The following LRMDA variants were observed in gnomAD, a reference collection of about 807,000 sequenced individuals.
The protein encoded by LRMDA is leucine rich melanocyte differentiation associated.
Under a neutral mutation model 29.8 loss-of-function variants are expected in LRMDA, and 18 were observed. That is an observed-to-expected ratio of 0.60 (90% CI 0.42 to 0.90). LRMDA has a LOEUF of 0.90. Among genes scored for constraint, LRMDA ranks in the 40% least tolerant of loss-of-function variants. LRMDA has a pLI of 0.00. For missense variants in LRMDA, 273 were observed against 273.9 expected (o/e 1.00, Z 0.02); for synonymous variants, 125 against 109.4 (o/e 1.14, Z -0.89).
chr10:75,585,614 C>A (rs1221245345), intron 2 of LRMDA, among the ~76,000 whole-genome samples: 2 of 152,182 alleles, frequency 1.3e-5, no homozygotes, highest in African/African-American at 4.8e-5. Flanking sequence ...AGGGATGAAA[C>A]TTCTACTTAT....
At chr10:75,993,180 T>C (rs961987833) in intron 2 of LRMDA, among the ~76,000 whole-genome samples, 2 of 152,004 alleles carry the variant, frequency 1.3e-5, no homozygotes, top group African/African-American at 4.8e-5. Context: ...CTGGGTCACA[T>C]AGAAGGAAGC....
chr10:75,905,030 A>G (rs1192849910), intron 2 of LRMDA, among the ~76,000 whole-genome samples: 2 of 152,218 alleles, frequency 1.3e-5, no homozygotes, highest in African/African-American at 2.4e-5. Context: ...CTCTATCTGC[A>G]GCGTGCATCC....
At chr10:76,343,742 A>C (rs143095939) in intron 6 of LRMDA, among the ~76,000 whole-genome samples, 2 of 152,222 alleles carry the variant, frequency 1.3e-5, no homozygotes, top group East Asian at 1.9e-4. Flanking sequence ...TAACCAAAGC[A>C]ATTAGATATG....
chr10:75,870,611 C>CA (rs1312754562), intron 2 of LRMDA, among the ~76,000 whole-genome samples: 4 of 152,146 alleles, frequency 2.6e-5, no homozygotes, highest in African/African-American at 9.7e-5. Context: ...CTTATCATTC[C>CA]ATCCTCTCTG....
chr10:76,115,956 A>G lies in LRMDA; in HGVS notation c.516+57173A>G, dbSNP rs16932877. Among the ~76,000 whole-genome samples the G allele has an allele frequency of 5.1e-3, 779 of 152,230 alleles. 25 individuals carry two copies. The highest frequency in any genetic ancestry group is 0.041 in the Admixed American group (630 of 15,292). On this transcript the variant is annotated intron_variant, in intron 5 of 6. Coordinates refer to ENST00000611255, the MANE Select transcript of LRMDA (RefSeq NM_001305581.2). The stretch of plus-strand genomic sequence containing the variant: ...ACGAGGAAGAATCACAAAACTGCAG[A>G]TGTTTCCCAGGTCCTCAATGCATCA...
intron 2 of LRMDA, among the ~76,000 whole-genome samples, chr10:75,473,576 T>C (rs765109759): frequency 2.0e-5 from 3 of 152,200 alleles, no homozygotes; most frequent in Non-Finnish European, 4.4e-5. Context: ...CACTTAGGAA[T>C]GTGGGCTCCA....
intron 2 of LRMDA, among the ~76,000 whole-genome samples, chr10:75,799,417 T>C (rs1843709320): frequency 6.6e-6 from 1 of 152,228 alleles, no homozygotes; most frequent in Non-Finnish European, 1.5e-5. Flanking sequence ...TTTTTTATCC[T>C]ATTACTTTCA....
chr10:75,488,122 C>G (rs1844937444), intron 2 of LRMDA, among the ~76,000 whole-genome samples: 1 of 152,026 alleles, frequency 6.6e-6, no homozygotes, highest in Non-Finnish European at 1.5e-5. Flanking sequence ...GCTGAGGATG[C>G]TAAATGGTGT....
intron 6 of LRMDA, among the ~76,000 whole-genome samples, chr10:76,407,876 A>T (rs1034330449): frequency 6.6e-6 from 1 of 152,234 alleles, no homozygotes; most frequent in Non-Finnish European, 1.5e-5. Context: ...AGACATTCCT[A>T]TTAAGAAGGG....
At chr10:76,437,825 A>G (rs17380920) in intron 6 of LRMDA, among the ~76,000 whole-genome samples, 61,311 of 152,058 alleles carry the variant, frequency 0.4, 12,832 homozygotes, top group African/African-American at 0.45. Context: ...CTAAGGGATG[A>G]TGGTCATTGC....
intron 2 of LRMDA, among the ~76,000 whole-genome samples, chr10:75,838,813 C>T (rs1288481910): frequency 1.3e-5 from 2 of 152,142 alleles, no homozygotes; most frequent in African/African-American, 4.8e-5. Flanking sequence ...AAGTCCTGCC[C>T]AGTGAAGAGT....
chr10:76,152,848 C>CTT lies in LRMDA; in HGVS notation c.516+94074_516+94075dup, dbSNP rs35311480. On this transcript the variant is annotated intron_variant, in intron 5 of 6. Transcript: ENST00000611255. Reference sequence around the variant, plus strand: ...AAAACTGTCTATTCACATTTTTTGGCTTTTTTTTTTGAGACAGAGTATCAC... The same window carrying CTT: ...AAAACTGTCTATTCACATTTTTTGGCTTTTTTTTTTTTGAGACAGAGTATCAC... Among the ~76,000 whole-genome samples the CTT allele has an allele frequency of 2.3e-3, 340 of 148,130 alleles. 1 individual carries two copies. The highest frequency in any genetic ancestry group is 0.017 in the Middle Eastern group (5 of 288).
At chr10:75,849,748 C>T (rs570258684) in intron 2 of LRMDA, among the ~76,000 whole-genome samples, 2 of 152,046 alleles carry the variant, frequency 1.3e-5, no homozygotes, top group Middle Eastern at 3.4e-3. Flanking sequence ...GTACATGTAC[C>T]CCAAAATTTA....
chr10:75,806,525 C>T (rs1843855492), intron 2 of LRMDA, among the ~76,000 whole-genome samples: 2 of 152,130 alleles, frequency 1.3e-5, no homozygotes, highest in Non-Finnish European at 2.9e-5. Context: ...AATCACTAAA[C>T]ATGTCTCTGT....
chr10:75,483,587 T>C (rs1270049465), intron 2 of LRMDA, among the ~76,000 whole-genome samples: 3 of 152,232 alleles, frequency 2.0e-5, no homozygotes, highest in African/African-American at 7.2e-5. Flanking sequence ...CTTCATAGCA[T>C]TGTGAAACGT....
intron 6 of LRMDA, among the ~76,000 whole-genome samples, chr10:76,384,443 C>T (rs1841635512): frequency 6.6e-6 from 1 of 152,188 alleles, no homozygotes; most frequent in South Asian, 2.1e-4. Flanking sequence ...AATGTTATAT[C>T]CAGACCTGTC....
chr10:75,736,053 C>T (rs569605303), intron 2 of LRMDA, among the ~76,000 whole-genome samples: 97 of 152,206 alleles, frequency 6.4e-4, no homozygotes, highest in Non-Finnish European at 9.9e-4. Flanking sequence ...AGCTTCTTTC[C>T]CAAACTCTCC....
chr10:76,473,160 A>G (rs1263367966), intron 6 of LRMDA, among the ~76,000 whole-genome samples: 2 of 151,682 alleles, frequency 1.3e-5, no homozygotes, highest in South Asian at 2.1e-4. Context: ...ATTACACACA[A>G]TGACCAAGTA....
chr10:75,790,485 C>T (rs190665952), intron 2 of LRMDA, among the ~76,000 whole-genome samples: 66 of 152,180 alleles, frequency 4.3e-4, no homozygotes, highest in African/African-American at 1.5e-3. Context: ...AGAACATGAC[C>T]CCAGGTGGGA....
Sources: gnomAD v4.1 joint callset for allele counts (sites outside exome capture counted in the v4.1 genomes callset) on GRCh38, gnomAD v4.1.1 for gene constraint, MANE v1.5 for transcripts, NCBI Gene and HGNC (gene_info 2026-07-23, HGNC 2026-07-21) for gene names.